NCALD: variants seen among roughly 807,000 people sequenced by gnomAD.
The protein encoded by NCALD is neurocalcin delta.
A neutral mutation model predicts 18.6 loss-of-function variants in NCALD; 10 were observed. The observed-to-expected ratio is 0.54, with a 90% confidence interval of 0.33 to 0.91. The LOEUF (loss-of-function observed/expected upper bound fraction) is 0.91, where lower values mean the gene tolerates loss of function less well. Among genes scored for constraint, NCALD ranks in the 40% least tolerant of loss-of-function variants. The pLI, the probability that NCALD is intolerant of heterozygous loss-of-function variation, is 0.03. For synonymous variants in NCALD, 88 were observed against 87.4 expected, an observed-to-expected ratio of 1.01 and a Z score of -0.04; for missense variants, 184 against 247.6, an observed-to-expected ratio of 0.74 and a Z score of 1.72.
intron 4 of NCALD, among the ~76,000 whole-genome samples, chr8:101,837,513 C>T (rs957670886): frequency 9.2e-5 from 14 of 152,334 alleles, no homozygotes; most frequent in Middle Eastern, 3.4e-3. Context: ...GCTCCAACTT[C>T]CAGCAGCAGT....
intron 1 of NCALD, among the ~76,000 whole-genome samples, chr8:101,752,353 C>T (rs750200522): frequency 1.3e-5 from 2 of 152,136 alleles, no homozygotes; most frequent in African/African-American, 2.4e-5. Context: ...TGTTGAGGAA[C>T]ATCTAAGTGG....
chr8:101,794,949 C>T (rs1282918839), upstream of NCALD, among the ~76,000 whole-genome samples: 3 of 152,106 alleles, frequency 2.0e-5, no homozygotes, highest in African/African-American at 7.2e-5. Flanking sequence ...TTTTCTTCAT[C>T]TTGGAACTCT....
chr8:101,692,796 C>A lies in NCALD; in HGVS notation c.479G>T (p.Arg160Ile). ...GTGTAGCCCCCGCCTCCTACCGTCT[C>A]TATTGGTGTCCATCTGGCGGAAGAT... ...EKIFRQMDTN[R>I]DGKLSLEEFI... The change falls in exon 3 of 4, where the codon AGA (arginine) becomes ATA (isoleucine). Residue 160 changes from arginine (R) to isoleucine (I), a missense_variant. By Grantham distance (97) the Arg-to-Ile change is moderately conservative (BLOSUM62 -3). Transcript: ENST00000220931. 6.2e-7 allele frequency: 1 copy of A among 1,612,678 alleles called. No homozygotes were observed. Among genetic ancestry groups the A allele is most frequent in the South Asian group, 1.1e-5 (1 of 91,028 alleles).
At chr8:101,937,093 A>G (rs1818790941) in intron 2 of NCALD, among the ~76,000 whole-genome samples, 1 of 152,210 alleles carries the variant, frequency 6.6e-6, no homozygotes, top group Non-Finnish European at 1.5e-5. Flanking sequence ...TGAATAAACC[A>G]TTAAATGATC....
intron 2 of NCALD, among the ~76,000 whole-genome samples, chr8:102,012,460 A>G (rs1821938039): frequency 1.3e-5 from 2 of 152,246 alleles, no homozygotes; most frequent in Admixed American, 6.5e-5. Flanking sequence ...TTTCCAAATC[A>G]GCATTACATC....
chr8:101,813,112 T>C (rs1401136570), intron 4 of NCALD, among the ~76,000 whole-genome samples: 1 of 152,082 alleles, frequency 6.6e-6, no homozygotes, highest in African/African-American at 2.4e-5. Context: ...GGCCTCATGA[T>C]ACAGTTATTG....
At chr8:101,729,765 C>T (rs115387192) in intron 1 of NCALD, among the ~76,000 whole-genome samples, 1,733 of 152,258 alleles carry the variant, frequency 0.011, 32 homozygotes, top group African/African-American at 0.039. Context: ...ATATCAGAGA[C>T]CTTGCTCTAC....
intron 2 of NCALD, among the ~76,000 whole-genome samples, chr8:101,718,583 C>T (rs1816197108): frequency 6.6e-6 from 1 of 152,198 alleles, no homozygotes; most frequent in Admixed American, 6.5e-5. Flanking sequence ...ATCACAAAAC[C>T]ATTGACCAAC....
chr8:101,825,861 G>A (rs1422747773), intron 4 of NCALD, among the ~76,000 whole-genome samples: 3 of 152,144 alleles, frequency 2.0e-5, no homozygotes, highest in Admixed American at 6.6e-5. Context: ...AAATAAGCAT[G>A]GCTGTGTTTC....
chr8:102,106,911 T>G (rs1193597435), intron 1 of NCALD, among the ~76,000 whole-genome samples: 3 of 152,080 alleles, frequency 2.0e-5, no homozygotes, highest in Non-Finnish European at 4.4e-5. Flanking sequence ...TGACACTTCC[T>G]GTGTCAAGTG....
intron 3 of NCALD, chr8:101,915,467 G>A (rs556330203): frequency 8.4e-4 from 128 of 152,342 alleles, no homozygotes; most frequent in African/African-American, 3.0e-3. Flanking sequence ...AAAGGAGGAT[G>A]CTGTTGTAAT....
chr8:101,824,303 A>C (rs1335294642), intron 4 of NCALD, among the ~76,000 whole-genome samples: 2 of 152,122 alleles, frequency 1.3e-5, no homozygotes, highest in African/African-American at 4.8e-5. Flanking sequence ...ATGGGGCCCA[A>C]CGCTGTGTCC....
intron 1 of NCALD, among the ~76,000 whole-genome samples, chr8:102,108,264 G>C (rs939163697): frequency 3.9e-5 from 6 of 152,198 alleles, no homozygotes; most frequent in African/African-American, 1.4e-4. Flanking sequence ...AATCAGCCAA[G>C]GGGGGAAAAA....
intron 2 of NCALD, among the ~76,000 whole-genome samples, chr8:102,006,216 A>T (rs562808900): frequency 6.6e-6 from 1 of 152,246 alleles, no homozygotes; most frequent in Middle Eastern, 3.4e-3. Flanking sequence ...TTTTCCTCAT[A>T]TCATTAACCC....
At chr8:101,793,424 A>G (rs1336210149), upstream of NCALD, among the ~76,000 whole-genome samples, 1 of 151,996 alleles carries the variant, frequency 6.6e-6, no homozygotes, top group Non-Finnish European at 1.5e-5. Context: ...TTTTTTCTAC[A>G]ACATGCTTCA....
chr8:102,056,970 G>C (rs1360312149), intron 1 of NCALD, among the ~76,000 whole-genome samples: 3 of 152,344 alleles, frequency 2.0e-5, no homozygotes, highest in African/African-American at 7.2e-5. Context: ...TGAGAAGAAA[G>C]TGGAGTCTGA....
At chr8:102,086,316 G>T (rs368879978) in intron 1 of NCALD, among the ~76,000 whole-genome samples, 1 of 152,208 alleles carries the variant, frequency 6.6e-6, no homozygotes. Flanking sequence ...TCACAATCCA[G>T]GTCTGGTGAT....
chr8:102,092,489 C>A (rs1446423299), intron 1 of NCALD, among the ~76,000 whole-genome samples: 1 of 152,134 alleles, frequency 6.6e-6, no homozygotes, highest in Non-Finnish European at 1.5e-5. Flanking sequence ...CTGGTAACAC[C>A]CCCACCTTAA....
intron 1 of NCALD, among the ~76,000 whole-genome samples, chr8:102,072,303 T>A (rs1234161089): frequency 1.3e-5 from 2 of 151,466 alleles, no homozygotes; most frequent in African/African-American, 4.9e-5. Flanking sequence ...CCAGCTGGGG[T>A]GGATGGGAGG....
Sources: allele counts gnomAD v4.1 joint callset (sites outside exome capture counted in the v4.1 genomes callset), GRCh38; gene constraint gnomAD v4.1.1; transcripts MANE v1.5; gene names NCBI Gene and HGNC (gene_info 2026-07-23, HGNC 2026-07-21).